The following STK25 variants were observed in gnomAD, a reference collection of about 807,000 sequenced individuals.
STK25 encodes the protein serine/threonine kinase 25, also known as serine/threonine-protein kinase 25.
Under a neutral mutation model 53.8 loss-of-function variants are expected in STK25, and 29 were observed. The ratio of observed to expected loss-of-function variants is 0.54; its 90% confidence interval spans 0.40 to 0.74. The LOEUF is 0.74. Ranked by LOEUF, STK25 falls within the 30% of genes least tolerant of loss-of-function variation. The pLI is 0.00. For missense variants in STK25, 420 were observed against 568.0 expected (o/e 0.74, Z 2.65); for synonymous variants, 247 against 238.3 (o/e 1.04, Z -0.33).
intron 2 of STK25, chr2:241,502,029 C>T (rs1009595119): frequency 1.1e-5 from 3 of 282,796 alleles, no homozygotes; most frequent in Non-Finnish European, 2.1e-5. Context: ...CTGGGCGTGG[C>T]GGCTCATGCC....
rs2065504145 is a variant in STK25 at position 241,501,418 on chromosome 2, T to C, written c.261+60A>G. 5.9e-6 allele frequency: 9 copies of C among 1,536,140 alleles called. No homozygotes were observed. The highest frequency in any genetic ancestry group is 1.4e-5 in the African/African-American group (1 of 73,062). On this transcript the variant is annotated intron_variant, in intron 3 of 11. Coordinates refer to ENST00000316586, the MANE Select transcript of STK25 (RefSeq NM_001271977.2). This position sits in a 1 kb window ranked among gnomAD's most constrained non-coding sequence, Gnocchi z 5.3. ...CCTCTGGCATGTCACTCAGTCCCTCTGACATGGAAGAGAGCCGGGCACAGC... is the reference window on the plus strand; with the variant it reads ...CCTCTGGCATGTCACTCAGTCCCTCCGACATGGAAGAGAGCCGGGCACAGC...
chr2:241,506,982 T>C (rs576358531), intron 2 of STK25, among the ~76,000 whole-genome samples: 2 of 152,222 alleles, frequency 1.3e-5, no homozygotes, highest in Admixed American at 6.5e-5. Context: ...TCTAGGCTGG[T>C]CCGGTTTCCT....
Position 241,495,663 on chromosome 2 carries a change from C to T in STK25, c.1280G>A (p.Ter427=). 1.2e-6 allele frequency: 2 copies of T among 1,614,270 alleles called. No homozygotes were observed. Among genetic ancestry groups the T allele is most frequent in the Non-Finnish European group, 1.7e-6 (2 of 1,180,052 alleles). Residue 427 remains the stop codon, a stop_retained_variant, in exon 12 of 12, where the codon TGA becomes TAA. Transcript: ENST00000316586. ...HNRNHLTSTR[*] is the part of the protein sequence containing the mutation. Reference sequence around the variant, plus strand: ...CCCCTATCTGAACAGCAGTGCGCTTCAGCGGGTGGATGTCAGGTGGTTTCT... The same window carrying T: ...CCCCTATCTGAACAGCAGTGCGCTTTAGCGGGTGGATGTCAGGTGGTTTCT...
chr2:241,508,258 C>T lies in STK25; in HGVS notation c.-100-123G>A, dbSNP rs1052146573. 4.4e-5 allele frequency: 57 copies of T among 1,304,772 alleles called. No homozygotes were observed. In the African/African-American group the frequency reaches 8.1e-4, roughly 18 times the overall value. 80.8% of individuals were successfully genotyped at this position (1,304,772 alleles called of 1,614,324 possible). ...CCCCCAGGCCGCCGGGGCCCCGCCACGCCCGGGCCTAACGCCCAGGCTCCC... is the reference window on the plus strand; with the variant it reads ...CCCCCAGGCCGCCGGGGCCCCGCCATGCCCGGGCCTAACGCCCAGGCTCCC... On this transcript the variant is annotated intron_variant, in intron 1 of 11. Transcript: ENST00000316586.
chr2:241,508,653 C>T (rs2066005784), upstream of STK25: 4 of 986,368 alleles, frequency 4.1e-6, no homozygotes, highest in African/African-American at 1.7e-5. Flanking sequence ...CCCCGAGTCC[C>T]ACCGCCCACT....
intron 2 of STK25, among the ~76,000 whole-genome samples, chr2:241,503,075 T>C (rs909423742): frequency 6.6e-6 from 1 of 152,110 alleles, no homozygotes; most frequent in Non-Finnish European, 1.5e-5. Context: ...CTTTTTTAAA[T>C]GTTTTTGAGA....
chr2:241,502,308 G>A (rs900763146), intron 2 of STK25, among the ~76,000 whole-genome samples: 5 of 152,160 alleles, frequency 3.3e-5, no homozygotes, highest in South Asian at 4.1e-4. Flanking sequence ...GTGATGACAC[G>A]GCATGAAGGT....
intron 5 of STK25, chr2:241,499,719 G>A (rs1038365509): frequency 1.6e-5 from 8 of 508,638 alleles, no homozygotes; most frequent in African/African-American, 1.5e-4. Flanking sequence ...CCCTGACCAA[G>A]GGTGTAGCCA....
rs983046095 is a variant in STK25 at position 241,501,913 on chromosome 2, A to G, written c.31-205T>C. 3.8e-6 allele frequency: 2 copies of G among 530,674 alleles called. No individual in the cohort carries two copies. Among genetic ancestry groups the G allele is most frequent in the Non-Finnish European group, 6.8e-6 (2 of 293,480 alleles). The allele number at this position is 530,674 out of a possible 1,614,324, so 32.9% of individuals were successfully genotyped here. A position where few individuals can be genotyped will look rare whatever the true frequency, so the allele number is the denominator to read the frequency against. On this transcript the variant is annotated intron_variant, in intron 2 of 11. Transcript: ENST00000316586. The surrounding 1 kb of genome is among the most constrained non-coding windows in gnomAD (Gnocchi z 5.3). ...CCGGGCGTGGTGGCTCACGCCTGTA[A>G]TTCTAGCACTTTGGGAGGCCGAGGC...
rs2065097380 is a variant in STK25, at chr2:241,495,527, T to A, written c.*135A>T. 7.9e-6 allele frequency: 7 copies of A among 886,414 alleles called. No homozygotes were observed. In the South Asian group the frequency reaches 8.8e-5, roughly 11 times the overall value. 54.9% of individuals were successfully genotyped at this position (886,414 alleles called of 1,614,324 possible). A position where few individuals can be genotyped will look rare whatever the true frequency, so the allele number is the denominator to read the frequency against. On this transcript the variant is annotated 3_prime_UTR_variant, in exon 12 of 12. Coordinates refer to ENST00000316586, the MANE Select transcript of STK25 (RefSeq NM_001271977.2). ...GAGACGGTGACCTGGTGACCTGGCA[T>A]GTGAGGCCCACGGGATCCGACGTGT...
chr2:241,507,163 G>A (rs769938756), intron 2 of STK25, among the ~76,000 whole-genome samples: 1 of 152,200 alleles, frequency 6.6e-6, no homozygotes, highest in Non-Finnish European at 1.5e-5. Flanking sequence ...GAATAAAACC[G>A]AACAGCTAAG....
chr2:241,503,253 T>G (rs1412017893), intron 2 of STK25, among the ~76,000 whole-genome samples: 2 of 151,776 alleles, frequency 1.3e-5, no homozygotes, highest in East Asian at 2.0e-4. Context: ...TTAGTAGAGA[T>G]AAGGTTTCAC....
chr2:241,507,589 T>TA (rs2065914920), intron 2 of STK25, among the ~76,000 whole-genome samples: 1 of 152,162 alleles, frequency 6.6e-6, no homozygotes, highest in Non-Finnish European at 1.5e-5. Flanking sequence ...CTACAGCCCC[T>TA]GCCCAGCCCA....
chr2:241,502,993 G>A (rs773875561), intron 2 of STK25, among the ~76,000 whole-genome samples: 2 of 152,178 alleles, frequency 1.3e-5, no homozygotes, highest in Non-Finnish European at 2.9e-5. Flanking sequence ...TGGTGTGGAA[G>A]GTGCCTGGGG....
rs753486833 is a variant in STK25, at chr2:241,498,365, A to T, written c.918-16T>A. 3.2e-6 allele frequency: 5 copies of T among 1,564,136 alleles called. No individual in the cohort carries two copies. The highest frequency in any genetic ancestry group is 4.4e-6 in the Non-Finnish European group (5 of 1,148,248). On this transcript the variant is annotated splice_polypyrimidine_tract_variant and intron_variant, in intron 8 of 11. Coordinates refer to ENST00000316586, the MANE Select transcript of STK25 (RefSeq NM_001271977.2). Reference sequence around the variant, plus strand: ...CTCGCCATCACTGAAGAGGATGAGGAGTTGCCAGGGCCAGTGGGGAGAGGG... The same window carrying T: ...CTCGCCATCACTGAAGAGGATGAGGTGTTGCCAGGGCCAGTGGGGAGAGGG...
intron 9 of STK25, 71 bp downstream of exon 9, chr2:241,498,164 T>G: frequency 1.4e-6 from 2 of 1,418,068 alleles, no homozygotes; most frequent in Non-Finnish European, 2.0e-6. Flanking sequence ...TGGACAAAGC[T>G]GGGTCCCGCA....
intron 5 of STK25, 150 bp downstream of exon 5, chr2:241,500,023 G>T: frequency 1.4e-6 from 1 of 719,078 alleles, no homozygotes. Flanking sequence ...AAGGGAGCGA[G>T]ACAGGACTGC....
chr2:241,499,275 C>T lies in STK25; in HGVS notation c.567G>A (p.Gln189=). Residue 189 remains glutamine (Q), a synonymous_variant, in exon 6 of 12, where the codon CAG becomes CAA. Transcript: ENST00000316586. ...CACCCACCTTGAAGTCGTAGGCCGA[C>T]TGCTTGATGACCTCAGGTGCCATCC... ...PFWMAPEVIK[Q]SAYDFKADIW... 3 of 1,614,042 alleles carry T rather than the reference C, an allele frequency of 1.9e-6. No individual in the cohort carries two copies. Among genetic ancestry groups the T allele is most frequent in the Non-Finnish European group, 2.5e-6 (3 of 1,180,014 alleles).
In STK25 at chr2:241,498,223, C is replaced by G; in HGVS notation, c.1032+12G>C. ...GGGTGCACAGAGGGCAAAGGCCAGG[C>G]CAGGAACAGACCTTCTGTGAACTGT... On this transcript the variant is annotated intron_variant, in intron 9 of 11. Coordinates refer to ENST00000316586, the MANE Select transcript of STK25 (RefSeq NM_001271977.2). 1 of 1,612,026 alleles carries G rather than the reference C, an allele frequency of 6.2e-7. No individual in the cohort carries two copies. Among genetic ancestry groups the G allele is most frequent in the Non-Finnish European group, 8.5e-7 (1 of 1,178,416 alleles).
Sources: gnomAD v4.1 joint callset for allele counts (sites outside exome capture counted in the v4.1 genomes callset) on GRCh38, gnomAD v4.1.1 for gene constraint, Gnocchi (gnomAD v3.1) non-coding constraint, MANE v1.5 for transcripts, NCBI Gene and HGNC (gene_info 2026-07-23, HGNC 2026-07-21) for gene names.